The following PIWIL1 variants were observed in gnomAD, a reference collection of about 807,000 sequenced individuals.
PIWIL1 encodes the protein piwi like RNA-mediated gene silencing 1, also known as piwi-like protein 1.
Under a neutral mutation model 114.4 loss-of-function variants are expected in PIWIL1, and 73 were observed. That is an observed-to-expected ratio of 0.64 (90% CI 0.53 to 0.78). The LOEUF (loss-of-function observed/expected upper bound fraction) is 0.78, where lower values mean the gene tolerates loss of function less well. PIWIL1 is among the 30% of genes least tolerant of loss of function. The pLI is 0.00. For synonymous variants in PIWIL1, 375 were observed against 369.0 expected (o/e 1.02, Z -0.19); for missense variants, 723 against 1,063.1 (o/e 0.68, Z 4.45).
intron 1 of PIWIL1, chr12:130,342,357 C>T (rs2072944766): frequency 1.9e-6 from 1 of 518,720 alleles, no homozygotes; most frequent in Non-Finnish European, 3.5e-6. Flanking sequence ...ATAGGTTTTC[C>T]CCTTTGGCCC....
Position 130,345,742 on chromosome 12 carries a change from T to G in PIWIL1, c.191-11T>G. 6.2e-7 allele frequency: 1 copy of G among 1,612,608 alleles called. No individual in the cohort carries two copies. Among genetic ancestry groups the G allele is most frequent in the South Asian group, 1.1e-5 (1 of 90,704 alleles). ...GCTTTATGTTGCTCAAGTACACAAT[T>G]TTTTTTTAAGGACTCCAGATATCTG... On this transcript the variant is annotated splice_polypyrimidine_tract_variant and intron_variant, in intron 3 of 20. Coordinates refer to ENST00000245255, the MANE Select transcript of PIWIL1 (RefSeq NM_004764.5).
rs779388078 is a variant in PIWIL1, at chr12:130,342,640, G to A, written c.49G>A (p.Glu17Lys). The A allele has an allele frequency of 2.3e-5, 37 of 1,613,796 alleles. No homozygotes were observed. Among genetic ancestry groups the A allele is most frequent in the Admixed American group, 1.5e-4 (9 of 60,002 alleles). ...AGCCAGAGGAAGGGCCCGCGGTCAG[G>A]AGACAGCGCAGCTGGTGGGCTCCAC... is the stretch of plus-strand genomic sequence containing the variant. ...ARARGRARGQETAQLVGSTAS... is the reference protein window; with the variant it reads ...ARARGRARGQKTAQLVGSTAS... Residue 17 changes from glutamate to lysine, a missense_variant, in exon 2 of 21, where the codon GAG (glutamate) becomes AAG (lysine). Glu to Lys is a moderately conservative substitution (Grantham distance 56, BLOSUM62 1). Transcript: ENST00000245255.
intron 14 of PIWIL1, among the ~76,000 whole-genome samples, chr12:130,358,372 GA>G (rs2073421540): frequency 6.6e-6 from 1 of 152,154 alleles, no homozygotes; most frequent in African/African-American, 2.4e-5. Context: ...CAGTTATTAA[GA>G]GGGTAAACTC....
At chr12:130,389,888 T>G in the PIWIL1 span, among the ~76,000 whole-genome samples, 1 of 152,256 alleles carries the variant, frequency 6.6e-6, no homozygotes, top group Non-Finnish European at 1.5e-5. Flanking sequence ...TGTCGTGCTT[T>G]CATTGTAATC....
chr12:130,405,271 A>G, the PIWIL1 span, among the ~76,000 whole-genome samples: 1 of 152,248 alleles, frequency 6.6e-6, no homozygotes, highest in Non-Finnish European at 1.5e-5. Context: ...GTGACAAAGT[A>G]TGAATATCCT....
chr12:130,342,996 C>G lies in PIWIL1; in HGVS notation c.85C>G (p.Gln29Glu). 3 of 1,613,202 alleles carry G rather than the reference C, an allele frequency of 1.9e-6. No homozygotes were observed. The highest frequency in any genetic ancestry group is 2.5e-6 in the Non-Finnish European group (3 of 1,179,180). ...TATTTGCATGTAACTACAGAGTCAG[C>G]AACCTGGTTATATTCAGCCTAGGCC... ...AQLVGSTASQQPGYIQPRPQP... is the reference protein window; with the variant it reads ...AQLVGSTASQEPGYIQPRPQP... The change falls in exon 3 of 21, where the codon CAA becomes GAA. Residue 29 changes from glutamine to glutamate, a missense_variant. By Grantham distance (29) the Gln-to-Glu change is conservative. This residue lies in a region of PIWIL1 where 91 missense variants were observed against 76.2 expected (regional missense o/e 1.19). Transcript: ENST00000245255.
chr12:130,348,879 G>C (rs993231725), intron 7 of PIWIL1, among the ~76,000 whole-genome samples: 1 of 152,164 alleles, frequency 6.6e-6, no homozygotes, highest in Non-Finnish European at 1.5e-5. Flanking sequence ...CTGGGTGACA[G>C]AGCGAGACAC....
intron 19 of PIWIL1, among the ~76,000 whole-genome samples, chr12:130,370,910 T>C (rs76838548): frequency 2.7e-3 from 414 of 152,292 alleles, no homozygotes; most frequent in African/African-American, 9.5e-3. Flanking sequence ...CCGTAACAAA[T>C]GCTTGGTTCT....
At chr12:130,382,595 C>G in the PIWIL1 span, among the ~76,000 whole-genome samples, 13 of 152,192 alleles carry the variant, frequency 8.5e-5, no homozygotes, top group Non-Finnish European at 1.9e-4. Context: ...CATTGACAAG[C>G]AAAATGATTT....
At chr12:130,377,327 G>T (rs2073874537), downstream of PIWIL1, among the ~76,000 whole-genome samples, 1 of 152,208 alleles carries the variant, frequency 6.6e-6, no homozygotes, top group Non-Finnish European at 1.5e-5. Flanking sequence ...GCATGTTAAA[G>T]TTGAAGGGCT....
intron 3 of PIWIL1, among the ~76,000 whole-genome samples, 156 bp downstream of exon 3, chr12:130,343,257 C>A (rs2072974839): frequency 6.6e-6 from 1 of 152,196 alleles, no homozygotes; most frequent in African/African-American, 2.4e-5. Flanking sequence ...GTGGAAAATA[C>A]TTAAATATAA....
chr12:130,341,989 C>G (rs553488806), intron 1 of PIWIL1, among the ~76,000 whole-genome samples: 1 of 152,254 alleles, frequency 6.6e-6, no homozygotes, highest in South Asian at 2.1e-4. Flanking sequence ...GGTGATGCCA[C>G]TCACCAAGAA....
chr12:130,422,804 G>T, the PIWIL1 span, among the ~76,000 whole-genome samples: 1 of 152,094 alleles, frequency 6.6e-6, no homozygotes, highest in Non-Finnish European at 1.5e-5. This position sits in a 1 kb window ranked among gnomAD's most constrained non-coding sequence, Gnocchi z 5.2. Flanking sequence ...CTTGTGGGGG[G>T]GTCTCTTTTG....
At chr12:130,340,140 C>A (rs1329152977) in intron 1 of PIWIL1, among the ~76,000 whole-genome samples, 2 of 152,112 alleles carry the variant, frequency 1.3e-5, no homozygotes, top group African/African-American at 4.8e-5. Context: ...AAGGGATGGC[C>A]TGCGAGCTGG....
chr12:130,342,952 T>C (rs576884778), intron 2 of PIWIL1, 38 bp from the exon 3 acceptor site: 1 of 1,504,028 alleles, frequency 6.6e-7, no homozygotes, highest in East Asian at 2.3e-5. Flanking sequence ...TCTGACCGCT[T>C]GACGAAAAGA....
chr12:130,369,220 C>T (rs1008759989), intron 19 of PIWIL1, among the ~76,000 whole-genome samples: 1 of 152,182 alleles, frequency 6.6e-6, no homozygotes, highest in African/African-American at 2.4e-5. Context: ...CTGCAAAGAG[C>T]ATGATCTTGT....
At chr12:130,398,642 G>A in the PIWIL1 span, 1 of 152,510 alleles carries the variant, frequency 6.6e-6, no homozygotes, top group Non-Finnish European at 1.5e-5. Flanking sequence ...AACACGTTCT[G>A]GCCACTCGAG....
chr12:130,384,798 CT>C, the PIWIL1 span, among the ~76,000 whole-genome samples: 2 of 152,158 alleles, frequency 1.3e-5, no homozygotes, highest in East Asian at 3.8e-4. Flanking sequence ...TGTTATCTTC[CT>C]GAGGGGAGAC....
downstream of PIWIL1, among the ~76,000 whole-genome samples, chr12:130,372,834 G>A (rs117072703): frequency 4.9e-4 from 74 of 152,188 alleles, no homozygotes; most frequent in African/African-American, 1.7e-3. Flanking sequence ...TCTCAGGAAC[G>A]TTTGCAAAGA....
Sources: gnomAD v4.1 joint callset for allele counts (sites outside exome capture counted in the v4.1 genomes callset) on GRCh38, gnomAD v4.1.1 for gene constraint, gnomAD v4.1.1 regional missense constraint, Gnocchi (gnomAD v3.1) non-coding constraint, MANE v1.5 for transcripts, NCBI Gene and HGNC (gene_info 2026-07-23, HGNC 2026-07-21) for gene names.